LMBRD1: variants seen among roughly 807,000 people sequenced by gnomAD.
The protein encoded by LMBRD1 is lysosomal cobalamin transport escort protein LMBD1.
In LMBRD1, 64 loss-of-function variants were observed where a neutral mutation model predicts 74.8. The observed-to-expected ratio is 0.86, with a 90% CI of 0.70 to 1.05. LMBRD1 has a LOEUF of 1.05. LMBRD1 is among the 50% of genes least tolerant of loss of function. The pLI is 0.00. For missense variants in LMBRD1, 652 were observed against 645.9 expected, an observed-to-expected ratio of 1.01 and a Z score of -0.10; for synonymous variants, 204 against 216.3, an observed-to-expected ratio of 0.94 and a Z score of 0.50.
rs75091665 is a variant in LMBRD1 at position 69,734,869 on chromosome 6, C to G, written c.636+3073G>C. 6.8e-4 allele frequency among the ~76,000 whole-genome samples: 104 copies of G among 152,154 alleles called. 1 individual carries two copies. The East Asian group carries it at 0.015, about 22-fold the overall frequency. The stretch of plus-strand genomic sequence containing the variant: ...TACATTTAGGAAAGATTAATAAAAA[C>G]AAAATACTCAACTTTTGGTGAATTA... On this transcript the variant is annotated intron_variant, in intron 7 of 15. Transcript: ENST00000649934.
chr6:69,679,903 G>A (rs1256602111), intron 14 of LMBRD1, among the ~76,000 whole-genome samples: 1 of 152,100 alleles, frequency 6.6e-6, no homozygotes, highest in Non-Finnish European at 1.5e-5. Context: ...TTTTTCCTCT[G>A]CAAGGTATAG....
chr6:69,793,646 T>C (rs1766139942), intron 1 of LMBRD1, among the ~76,000 whole-genome samples: 1 of 151,820 alleles, frequency 6.6e-6, no homozygotes, highest in Non-Finnish European at 1.5e-5. Flanking sequence ...AACAATTCCT[T>C]ATGTGTGAAG....
chr6:69,796,703 C>T, intron 1 of LMBRD1, 110 bp downstream of exon 1: 1 of 1,012,206 alleles, frequency 9.9e-7, no homozygotes, highest in Non-Finnish European at 1.5e-6. Flanking sequence ...AAGCTAAAAG[C>T]GGGGCGGGGC....
intron 14 of LMBRD1, among the ~76,000 whole-genome samples, chr6:69,679,127 C>A (rs1361405086): frequency 6.6e-6 from 1 of 151,858 alleles, no homozygotes; most frequent in Non-Finnish European, 1.5e-5. Flanking sequence ...GGAGCAAGGA[C>A]TACCAATCTA....
chr6:69,790,051 G>A (rs994810122), intron 2 of LMBRD1, among the ~76,000 whole-genome samples: 2 of 152,220 alleles, frequency 1.3e-5, no homozygotes, highest in Non-Finnish European at 2.9e-5. Flanking sequence ...GTTATGAGCA[G>A]CAAAAAATAT....
chr6:69,677,868 T>C (rs1765578995), intron 14 of LMBRD1, among the ~76,000 whole-genome samples: 1 of 152,160 alleles, frequency 6.6e-6, no homozygotes, highest in African/African-American at 2.4e-5. Context: ...AAAGAGAAAG[T>C]AGCAGACTGG....
rs142428373 is a variant in LMBRD1, at chr6:69,774,487, C to G, written c.307+6007G>C. Among the ~76,000 whole-genome samples, 821 of 152,244 alleles carry G rather than the reference C, an allele frequency of 5.4e-3. 1 individual carries two copies. The highest frequency in any genetic ancestry group is 8.7e-3 in the Non-Finnish European group (594 of 68,016). ...GGGATAGTTTTAATTCATTTACCCC[C>G]GCCTTTCATTAATTTCTTTTACATG... On this transcript the variant is annotated intron_variant, in intron 3 of 15. Transcript: ENST00000649934.
At chr6:69,723,197 A>G (rs1766655346) in intron 7 of LMBRD1, among the ~76,000 whole-genome samples, 1 of 152,162 alleles carries the variant, frequency 6.6e-6, no homozygotes, top group Non-Finnish European at 1.5e-5. Flanking sequence ...AGAGTTAGAG[A>G]GACAGACCCC....
At chr6:69,702,443 A>T (rs999830565) in intron 9 of LMBRD1, among the ~76,000 whole-genome samples, 2 of 151,982 alleles carry the variant, frequency 1.3e-5, no homozygotes, top group African/African-American at 4.8e-5. Flanking sequence ...AAAAGCCTAT[A>T]CAAGTGATAC....
At chr6:69,731,256 G>A (rs1028851504) in intron 7 of LMBRD1, among the ~76,000 whole-genome samples, 1 of 152,072 alleles carries the variant, frequency 6.6e-6, no homozygotes, top group Admixed American at 6.6e-5. Flanking sequence ...TAGATCAGTA[G>A]GGTGACTACA....
intron 14 of LMBRD1, among the ~76,000 whole-genome samples, chr6:69,689,010 A>C (rs1765824964): frequency 6.6e-6 from 1 of 152,072 alleles, no homozygotes; most frequent in Admixed American, 6.5e-5. Context: ...GGATTTGGAT[A>C]CTAGTTACTA....
At chr6:69,756,484 G>A (rs987573907) in intron 3 of LMBRD1, among the ~76,000 whole-genome samples, 4 of 152,038 alleles carry the variant, frequency 2.6e-5, no homozygotes, top group South Asian at 2.1e-4. Flanking sequence ...AATTAAACTG[G>A]CAATACCAAG....
chr6:69,707,904 C>T (rs915331479), intron 9 of LMBRD1, among the ~76,000 whole-genome samples: 1 of 152,090 alleles, frequency 6.6e-6, no homozygotes, highest in Non-Finnish European at 1.5e-5. Flanking sequence ...GGTTGCACAA[C>T]ATTGTGAATG....
chr6:69,682,066 C>T (rs1038600824), intron 14 of LMBRD1, among the ~76,000 whole-genome samples: 1 of 151,618 alleles, frequency 6.6e-6, no homozygotes, highest in South Asian at 2.1e-4. Context: ...AATGTTTTAT[C>T]GTCAGATGGA....
intron 6 of LMBRD1, among the ~76,000 whole-genome samples, chr6:69,739,812 A>G (rs1273688609): frequency 6.6e-6 from 1 of 152,086 alleles, no homozygotes; most frequent in Admixed American, 6.5e-5. Flanking sequence ...ATTTTTTTTA[A>G]AAAAGGTTAT....
chr6:69,786,107 T>C (rs1469929979), intron 2 of LMBRD1, among the ~76,000 whole-genome samples: 3 of 152,246 alleles, frequency 2.0e-5, no homozygotes, highest in African/African-American at 7.2e-5. Flanking sequence ...TGATTATTGA[T>C]CTGGCCTTGC....
rs940983532 is a variant in LMBRD1 at position 69,773,831 on chromosome 6, C to T, written c.307+6663G>A. 2.6e-5 allele frequency among the ~76,000 whole-genome samples: 4 copies of T among 152,274 alleles called. No homozygotes were observed. In the East Asian group the frequency reaches 7.7e-4, roughly 29 times the overall value. ...CAACCCCATTTTTCATCAACACTAG[C>T]ATGGATAAACTACGGTATGTTAATA... On this transcript the variant is annotated intron_variant, in intron 3 of 15. Transcript: ENST00000649934.
intron 3 of LMBRD1, among the ~76,000 whole-genome samples, 194 bp from the exon 4 acceptor site, chr6:69,752,550 TATCAGA>T (rs1277195951): frequency 6.6e-6 from 1 of 152,160 alleles, no homozygotes; most frequent in African/African-American, 2.4e-5. Context: ...TCAACAGTAT[TATCAGA>T]ATAACAACCC....
chr6:69,777,310 G>A (rs1343088763), intron 3 of LMBRD1, among the ~76,000 whole-genome samples: 1 of 151,846 alleles, frequency 6.6e-6, no homozygotes, highest in Admixed American at 6.6e-5. Flanking sequence ...AAAATTATCC[G>A]GGCGTGATGA....
Sources: allele counts gnomAD v4.1 joint callset (sites outside exome capture counted in the v4.1 genomes callset), GRCh38; gene constraint gnomAD v4.1.1; transcripts MANE v1.5; gene names NCBI Gene and HGNC (gene_info 2026-07-23, HGNC 2026-07-21).